Variants in KLRC3 observed in about 807,000 individuals in gnomAD.
KLRC3 encodes the protein NKG2-E type II integral membrane protein.
Under a neutral mutation model 23.6 loss-of-function variants are expected in KLRC3, and 16 were observed. That is an observed-to-expected ratio of 0.68 (90% CI 0.46 to 1.03). The LOEUF (loss-of-function observed/expected upper bound fraction) is 1.03. Ranked by LOEUF, KLRC3 falls within the 50% of genes least tolerant of loss-of-function variation. The pLI is 0.00. For missense variants in KLRC3, 209 were observed against 232.2 expected (o/e 0.90, Z 0.65); for synonymous variants, 70 against 71.8 (o/e 0.98, Z 0.13).
chr12:10,415,280 T>C (rs922262376), intron 6 of KLRC3, among the ~76,000 whole-genome samples: 2 of 152,236 alleles, frequency 1.3e-5, no homozygotes, highest in East Asian at 1.9e-4. Context: ...CCATCACTGC[T>C]ACTGAAATTT....
chr12:10,412,321 T>C lies in KLRC3; in HGVS notation c.*251A>G. 1 of 530,932 alleles carries C rather than the reference T, an allele frequency of 1.9e-6. No homozygotes were observed. Among genetic ancestry groups the C allele is most frequent in the Non-Finnish European group, 3.3e-6 (1 of 302,852 alleles). 32.9% of individuals were successfully genotyped at this position (530,932 alleles called of 1,614,324 possible). A position where few individuals can be genotyped will look rare whatever the true frequency, so the allele number is the denominator to read the frequency against. On this transcript the variant is annotated 3_prime_UTR_variant, in exon 7 of 7. Transcript: ENST00000396439. ...ATATAAAAACCACTCATTATATTGTTCATTGATTTATTTTCCAATCATAAC... is the reference window on the plus strand; with the variant it reads ...ATATAAAAACCACTCATTATATTGTCCATTGATTTATTTTCCAATCATAAC...
Position 10,418,334 on chromosome 12 carries a change from T to G in KLRC3, c.486+10A>C, listed in dbSNP as rs1470572958. On this transcript the variant is annotated intron_variant, in intron 4 of 6. Transcript: ENST00000396439. ...CTTTTCATAAAATGTTTGAAACATT[T>G]ACATCTTACCATTTCTTCTTCATTA... The G allele has an allele frequency of 6.3e-7, 1 of 1,595,112 alleles. No homozygotes were observed. Among genetic ancestry groups the G allele is most frequent in the South Asian group, 1.1e-5 (1 of 89,484 alleles).
intron 5 of KLRC3, 127 bp from the exon 6 acceptor site, chr12:10,415,921 T>C (rs1294177666): frequency 7.4e-6 from 5 of 677,840 alleles, no homozygotes; most frequent in African/African-American, 1.8e-5. Context: ...TCATATGCTA[T>C]TACTAAAAGT....
At position 10,412,574 on chromosome 12, in the gene KLRC3, A is replaced by T. The variant is rs764938829; in HGVS notation, c.721T>A (p.Ter241ArgextTer29). ...IMLTRLVLNS[*>R] ...CAAGATGTGTTGATTTCTTGAGCTC[A>T]GGAGTTCAAGACCAGCCTGGTCAAC... The change falls in exon 7 of 7, where the codon TGA becomes AGA. Residue 241 changes from the stop codon to arginine (R), a stop_lost. Transcript: ENST00000396439. 33 of 701,562 alleles carry T rather than the reference A, an allele frequency of 4.7e-5. No individual in the cohort carries two copies. The highest frequency in any genetic ancestry group is 4.6e-4 in the South Asian group (31 of 67,506). 43.5% of individuals were successfully genotyped at this position (701,562 alleles called of 1,614,324 possible). A position where few individuals can be genotyped will look rare whatever the true frequency, so the allele number is the denominator to read the frequency against.
intron 6 of KLRC3, among the ~76,000 whole-genome samples, chr12:10,413,433 C>A (rs1863599318): frequency 6.6e-6 from 1 of 152,098 alleles, no homozygotes; most frequent in Admixed American, 6.5e-5. Flanking sequence ...ATTATCAATG[C>A]ATTTTAATGT....
At chr12:10,415,216 T>C (rs999558962) in intron 6 of KLRC3, among the ~76,000 whole-genome samples, 3 of 152,166 alleles carry the variant, frequency 2.0e-5, no homozygotes, top group African/African-American at 7.2e-5. Context: ...ATAAATTTCA[T>C]CCACTTAAAA....
rs1565503214 is a variant in KLRC3 at position 10,418,454 on chromosome 12, T to C, written c.376A>G (p.Asn126Asp). ...HCPEEWITYS[N>D]SCYYIGKERR... ...TCCTTACCAATGTAATAACAACTGT[T>C]GGAATATGTAATCCACTCCTCAGGA... Residue 126 changes from asparagine (N) to aspartate (D), a missense_variant, in exon 4 of 7, where the codon AAC (asparagine) becomes GAC (aspartate). Physicochemically the swap from Asn to Asp is conservative, Grantham distance 23 (BLOSUM62 1). This residue lies in a region of KLRC3 where 109 missense variants were observed against 113.2 expected (regional missense o/e 0.96). Transcript: ENST00000396439. The C allele has an allele frequency of 6.2e-7, 1 of 1,605,884 alleles. No individual in the cohort carries two copies. Among genetic ancestry groups the C allele is most frequent in the South Asian group, 1.1e-5 (1 of 90,890 alleles).
rs756240559 is a variant in KLRC3, at chr12:10,420,361, T to C, written c.187+3A>G. 3.3e-5 allele frequency: 53 copies of C among 1,612,314 alleles called. 4 individuals carry two copies. In the South Asian group the frequency reaches 5.8e-4, roughly 18 times the overall value. On this transcript the variant is annotated splice_donor_region_variant and intron_variant, in intron 1 of 6. Coordinates refer to ENST00000396439, the MANE Select transcript of KLRC3 (RefSeq NM_002261.3). ...AACATTGAAGATATATTTAATGTTT[T>C]ACCTTGGCAGTCATATATTTTATCA... is the stretch of plus-strand genomic sequence containing the variant.
At chr12:10,416,157 G>A (rs1268684600) in intron 5 of KLRC3, among the ~76,000 whole-genome samples, 1 of 152,170 alleles carries the variant, frequency 6.6e-6, no homozygotes, top group Non-Finnish European at 1.5e-5. Context: ...CACTACTATT[G>A]TGCTTTGAGG....
intron 5 of KLRC3, among the ~76,000 whole-genome samples, chr12:10,416,270 T>C (rs1240655319): frequency 1.3e-5 from 2 of 152,242 alleles, no homozygotes; most frequent in Non-Finnish European, 2.9e-5. Context: ...ATGGGCCGCA[T>C]GTGGCCCAGG....
intron 6 of KLRC3, among the ~76,000 whole-genome samples, chr12:10,414,412 A>AT (rs1863611266): frequency 6.6e-6 from 1 of 152,024 alleles, no homozygotes; most frequent in Admixed American, 6.5e-5. Flanking sequence ...ATGTTGAATT[A>AT]TTTTTTGCCA....
chr12:10,416,513 G>A (rs1161503006), intron 5 of KLRC3, among the ~76,000 whole-genome samples, 154 bp downstream of exon 5: 1 of 152,142 alleles, frequency 6.6e-6, no homozygotes. Flanking sequence ...GACATATATG[G>A]ACTACTATGG....
intron 6 of KLRC3, among the ~76,000 whole-genome samples, chr12:10,414,600 G>A (rs1423359592): frequency 1.5e-5 from 2 of 134,394 alleles, no homozygotes; most frequent in East Asian, 4.6e-4. Context: ...TCACACACAG[G>A]GGACTGTTGT....
Position 10,416,666 on chromosome 12 carries a change from C to T in KLRC3, c.587+1G>A. ...ATATAGCACCCTATAAAACAACTTA[C>T]TCATGTTTGAAAGCCAAACCATTTA... is the stretch of plus-strand genomic sequence containing the variant. On this transcript the variant is annotated splice_donor_variant, in intron 5 of 6. Transcript: ENST00000396439. LOFTEE classifies it high-confidence loss of function. 1 of 1,610,106 alleles carries T rather than the reference C, an allele frequency of 6.2e-7. No individual in the cohort carries two copies. The highest frequency in any genetic ancestry group is 8.5e-7 in the Non-Finnish European group (1 of 1,177,952).
intron 4 of KLRC3, among the ~76,000 whole-genome samples, chr12:10,417,909 C>A (rs545856437): frequency 6.6e-6 from 1 of 152,146 alleles, no homozygotes; most frequent in East Asian, 1.9e-4. Flanking sequence ...AACAGGCAAA[C>A]CTTATTTATA....
chr12:10,416,795 A>T (rs1863651464), intron 4 of KLRC3, 28 bp from the exon 5 acceptor site: 1 of 1,516,754 alleles, frequency 6.6e-7, no homozygotes, highest in African/African-American at 1.4e-5. Flanking sequence ...ATTTTCACTT[A>T]AATAATAATT....
chr12:10,418,145 C>T (rs866444665), intron 4 of KLRC3, among the ~76,000 whole-genome samples, 199 bp downstream of exon 4: 1 of 151,956 alleles, frequency 6.6e-6, no homozygotes, highest in African/African-American at 2.4e-5. Context: ...CATGGTTTTC[C>T]ATAAAAAGCA....
At chr12:10,418,194 T>G (rs1863671953) in intron 4 of KLRC3, 150 bp downstream of exon 4, 1 of 819,840 alleles carries the variant, frequency 1.2e-6, no homozygotes, top group Non-Finnish European at 1.9e-6. Context: ...TATATAACTT[T>G]AAAAACATTA....
chr12:10,415,773 A>G lies in KLRC3; in HGVS notation c.609T>C (p.Ala203=). ...FKHEIKDSDH[A]ERNCAMLHVR... is the part of the protein sequence containing the mutation. ...CATGTAGCATTGCACAGTTACGTTC[A>G]GCATGATCTGAGTCTTTTATCCTGT... Residue 203 remains alanine (A), a synonymous_variant, in exon 6 of 7, where the codon GCT becomes GCC. Transcript: ENST00000396439. The G allele has an allele frequency of 6.2e-7, 1 of 1,611,156 alleles. No homozygotes were observed. Among genetic ancestry groups the G allele is most frequent in the Non-Finnish European group, 8.5e-7 (1 of 1,178,756 alleles).
Sources: allele counts gnomAD v4.1 joint callset (sites outside exome capture counted in the v4.1 genomes callset), GRCh38; gene constraint gnomAD v4.1.1; regional missense constraint gnomAD v4.1.1; transcripts MANE v1.5; gene names NCBI Gene and HGNC (gene_info 2026-07-23, HGNC 2026-07-21).